Variants in PCDH7 observed in about 807,000 individuals in gnomAD.
The protein encoded by PCDH7 is protocadherin-7.
A neutral mutation model predicts 58.9 loss-of-function variants in PCDH7; 17 were observed. The ratio of observed to expected loss-of-function variants is 0.29; its 90% confidence interval spans 0.20 to 0.43. The LOEUF is 0.43. Ranked by LOEUF, PCDH7 falls within the 20% of genes least tolerant of loss-of-function variation. PCDH7 has a pLI of 1.00. For synonymous variants in PCDH7, 664 were observed against 616.4 expected, an observed-to-expected ratio of 1.08 and a Z score of -1.14; for missense variants, 1,274 against 1,441.0, an observed-to-expected ratio of 0.88 and a Z score of 1.88.
At chr4:30,971,525 A>C (rs971399967) in intron 3 of PCDH7, among the ~76,000 whole-genome samples, 1 of 152,230 alleles carries the variant, frequency 6.6e-6, no homozygotes, top group African/African-American at 2.4e-5. Flanking sequence ...AGCCATCTGC[A>C]TCAGAGTCAC....
At chr4:30,787,535 A>G (rs542392964) in intron 1 of PCDH7, among the ~76,000 whole-genome samples, 4 of 152,058 alleles carry the variant, frequency 2.6e-5, no homozygotes, top group Admixed American at 6.6e-5. Flanking sequence ...ACAGTTTCCA[A>G]CTGAATTTGG....
chr4:31,036,882 C>G (rs547856456), intron 3 of PCDH7, among the ~76,000 whole-genome samples: 2 of 152,168 alleles, frequency 1.3e-5, no homozygotes, highest in Admixed American at 6.5e-5. Flanking sequence ...AGGCATGTCT[C>G]TCATGGTGGC....
At chr4:31,033,822 G>A (rs1578615588) in intron 3 of PCDH7, among the ~76,000 whole-genome samples, 1 of 152,100 alleles carries the variant, frequency 6.6e-6, no homozygotes, top group Non-Finnish European at 1.5e-5. Context: ...GGCTGGGTGT[G>A]GTGGCTCAAG....
chr4:30,793,339 G>A (rs1253671876), intron 1 of PCDH7, among the ~76,000 whole-genome samples: 1 of 152,056 alleles, frequency 6.6e-6, no homozygotes, highest in African/African-American at 2.4e-5. Flanking sequence ...ATTAACATTT[G>A]GATTAAAGAG....
At chr4:31,132,177 A>G (rs1259225413) in intron 3 of PCDH7, among the ~76,000 whole-genome samples, 2 of 152,198 alleles carry the variant, frequency 1.3e-5, no homozygotes, top group African/African-American at 2.4e-5. Context: ...TGCTTATTGC[A>G]GAGGCTATTT....
chr4:31,145,446 T>C (rs1214893560), downstream of PCDH7: 1 of 151,754 alleles, frequency 6.6e-6, no homozygotes, highest in African/African-American at 2.4e-5. Context: ...ATATATAGAG[T>C]GCTTTTGAAA....
chr4:31,025,353 G>A (rs1262605681), intron 3 of PCDH7, among the ~76,000 whole-genome samples: 1 of 152,158 alleles, frequency 6.6e-6, no homozygotes, highest in Non-Finnish European at 1.5e-5. Flanking sequence ...AGCATTAGGA[G>A]AGTGACTTGT....
chr4:31,001,933 A>G (rs546343925), intron 3 of PCDH7, among the ~76,000 whole-genome samples: 15 of 152,368 alleles, frequency 9.8e-5, no homozygotes, highest in Non-Finnish European at 1.8e-4. Context: ...GAACAAAACA[A>G]CAAAAGCGTT....
At chr4:31,134,480 C>T (rs1348826588) in intron 3 of PCDH7, among the ~76,000 whole-genome samples, 1 of 151,974 alleles carries the variant, frequency 6.6e-6, no homozygotes, top group African/African-American at 2.4e-5. Flanking sequence ...AACAAACAAA[C>T]AAAAAAGAAG....
intron 3 of PCDH7, among the ~76,000 whole-genome samples, chr4:30,954,518 G>C (rs1747659809): frequency 6.6e-6 from 1 of 152,042 alleles, no homozygotes; most frequent in South Asian, 2.1e-4. Context: ...TTAGGTATTA[G>C]ATTATCTATA....
In PCDH7 at chr4:30,887,869, TG is replaced by T. The variant is rs200183989; in HGVS notation, c.71-32282del. 5.1e-4 allele frequency among the ~76,000 whole-genome samples: 65 copies of T among 128,622 alleles called. No homozygotes were observed. The East Asian group carries it at 8.7e-3, about 17-fold the overall frequency. 84.4% of individuals were successfully genotyped at this position (128,622 alleles called of 152,430 possible). A position where few individuals can be genotyped will look rare whatever the true frequency, so the allele number is the denominator to read the frequency against. ...TCATAGCCCATTTCTTTTTTCTTTTTGGTTTTTTTTTTTTCTTTTTTTTGGA... is the reference window on the plus strand; with the variant it reads ...TCATAGCCCATTTCTTTTTTCTTTTTGTTTTTTTTTTTTCTTTTTTTTGGA... On this transcript the variant is annotated intron_variant, in intron 1 of 3. Transcript: ENST00000509759.
At chr4:31,056,259 T>C (rs1400127339) in intron 3 of PCDH7, among the ~76,000 whole-genome samples, 1 of 151,578 alleles carries the variant, frequency 6.6e-6, no homozygotes, top group Non-Finnish European at 1.5e-5. Flanking sequence ...CCCCAGCTAC[T>C]TGGGATGCTG....
At chr4:31,145,780 A>G (rs1474116570), downstream of PCDH7, 1 of 152,128 alleles carries the variant, frequency 6.6e-6, no homozygotes, top group East Asian at 1.9e-4. Context: ...TGTAAGTGTA[A>G]CACAGAGATA....
intron 1 of PCDH7, among the ~76,000 whole-genome samples, chr4:30,852,450 G>A (rs1359745171): frequency 6.6e-6 from 1 of 152,010 alleles, no homozygotes; most frequent in Non-Finnish European, 1.5e-5. Context: ...GTGTCCTTCA[G>A]CAATACTATT....
intron 1 of PCDH7, among the ~76,000 whole-genome samples, chr4:30,876,924 G>C (rs1736356809): frequency 6.6e-6 from 1 of 151,902 alleles, no homozygotes; most frequent in Non-Finnish European, 1.5e-5. Context: ...CTCCCAGACA[G>C]GCCCCGGTGT....
At chr4:30,778,695 T>C (rs1312616299) in intron 1 of PCDH7, among the ~76,000 whole-genome samples, 1 of 152,194 alleles carries the variant, frequency 6.6e-6, no homozygotes, top group Non-Finnish European at 1.5e-5. Flanking sequence ...CAAAATTTGC[T>C]ATAAATTAAA....
intron 1 of PCDH7, among the ~76,000 whole-genome samples, chr4:30,818,415 C>A (rs1359333786): frequency 6.6e-6 from 1 of 152,066 alleles, no homozygotes; most frequent in Non-Finnish European, 1.5e-5. Flanking sequence ...AAAAGGAAGC[C>A]TTATGGTCAA....
At chr4:31,014,574 T>A (rs551599728) in intron 3 of PCDH7, among the ~76,000 whole-genome samples, 8 of 152,186 alleles carry the variant, frequency 5.3e-5, no homozygotes, top group Non-Finnish European at 1.0e-4. Context: ...ATCACACCTA[T>A]ATTTTGCAAT....
chr4:30,807,479 C>T (rs946221606), intron 1 of PCDH7, among the ~76,000 whole-genome samples: 1 of 152,132 alleles, frequency 6.6e-6, no homozygotes, highest in Non-Finnish European at 1.5e-5. Flanking sequence ...TTTACGGTGA[C>T]AGCAGTACGG....
Sources: gnomAD v4.1 joint callset for allele counts (sites outside exome capture counted in the v4.1 genomes callset) on GRCh38, gnomAD v4.1.1 for gene constraint, MANE v1.5 for transcripts, NCBI Gene and HGNC (gene_info 2026-07-23, HGNC 2026-07-21) for gene names.